ANKS1B: variants seen among roughly 807,000 people sequenced by gnomAD.
ANKS1B encodes ankyrin repeat and sterile alpha motif domain-containing protein 1B.
A neutral mutation model predicts 148.3 loss-of-function variants in ANKS1B; 36 were observed. The observed-to-expected ratio is 0.24, with a 90% CI of 0.19 to 0.32. ANKS1B has a LOEUF of 0.32. Among genes scored for constraint, ANKS1B ranks in the 10% least tolerant of loss-of-function variants. ANKS1B has a pLI of 1.00. For missense variants in ANKS1B, 1,157 were observed against 1,542.6 expected, an observed-to-expected ratio of 0.75 and a Z score of 4.19; for synonymous variants, 542 against 560.8, an observed-to-expected ratio of 0.97 and a Z score of 0.47.
Position 99,403,183 on chromosome 12 carries a change from C to T in ANKS1B, c.1576-3372G>A, listed in dbSNP as rs568923483. Among the ~76,000 whole-genome samples the T allele has an allele frequency of 4.5e-3, 387 of 85,336 alleles. 18 individuals carry two copies. Among genetic ancestry groups the T allele is most frequent in the Non-Finnish European group, 6.5e-3 (313 of 47,884 alleles). The allele number at this position is 85,336 out of a possible 152,430, so 56.0% of individuals were successfully genotyped here. A position where few individuals can be genotyped will look rare whatever the true frequency, so the allele number is the denominator to read the frequency against. ...TTTTTTTTTTTTTTTTTTTTTGAGA[C>T]GGAGTCTCTATCACCCAGGCTGGAG... is the stretch of plus-strand genomic sequence containing the variant. On this transcript the variant is annotated intron_variant, in intron 11 of 26. Transcript: ENST00000683438.
At chr12:99,458,978 A>G (rs1327198345) in intron 10 of ANKS1B, among the ~76,000 whole-genome samples, 1 of 152,144 alleles carries the variant, frequency 6.6e-6, no homozygotes, top group Non-Finnish European at 1.5e-5. Flanking sequence ...CTACAGACCA[A>G]TATCCCTGAT....
At chr12:99,932,170 T>C (rs564597836) in intron 1 of ANKS1B, among the ~76,000 whole-genome samples, 3 of 152,336 alleles carry the variant, frequency 2.0e-5, no homozygotes, top group African/African-American at 4.8e-5. Flanking sequence ...TATTTGTCTG[T>C]TGATGGACAC....
At chr12:98,957,374 GTCTC>G (rs2099864250) in intron 17 of ANKS1B, among the ~76,000 whole-genome samples, 1 of 150,394 alleles carries the variant, frequency 6.6e-6, no homozygotes, top group South Asian at 2.1e-4. Context: ...TTGAGACGGA[GTCTC>G]TCTCTGTTGC....
At chr12:98,930,680 A>G (rs954429539) in intron 17 of ANKS1B, among the ~76,000 whole-genome samples, 1 of 150,782 alleles carries the variant, frequency 6.6e-6, no homozygotes, top group Non-Finnish European at 1.5e-5. Context: ...TGAAAAAAAG[A>G]CCACATATTG....
At chr12:99,121,321 A>ACGTGTGTGTG (rs1009081202) in intron 15 of ANKS1B, among the ~76,000 whole-genome samples, 1 of 142,754 alleles carries the variant, frequency 7.0e-6, no homozygotes, top group Non-Finnish European at 1.5e-5. Context: ...GTATGTAGGT[A>ACGTGTGTGTG]TGTGTGTGTG....
intron 14 of ANKS1B, among the ~76,000 whole-genome samples, chr12:99,169,018 G>A (rs572707079): frequency 1.3e-5 from 2 of 152,102 alleles, no homozygotes; most frequent in South Asian, 2.1e-4. Flanking sequence ...AATTAGGTTC[G>A]AGTTCATTAG....
chr12:99,596,314 T>C (rs2097758225), intron 9 of ANKS1B, among the ~76,000 whole-genome samples: 1 of 151,840 alleles, frequency 6.6e-6, no homozygotes, highest in African/African-American at 2.4e-5. Context: ...TTGGTGTTCC[T>C]TGGCTTGAAG....
intron 10 of ANKS1B, among the ~76,000 whole-genome samples, chr12:99,484,520 T>C (rs566998354): frequency 1.8e-4 from 27 of 152,014 alleles, no homozygotes; most frequent in Non-Finnish European, 3.5e-4. Flanking sequence ...TGTTGTATTA[T>C]GCCATTTAAG....
intron 1 of ANKS1B, among the ~76,000 whole-genome samples, chr12:99,926,804 T>C (rs1466235997): frequency 6.6e-6 from 1 of 152,226 alleles, no homozygotes; most frequent in Non-Finnish European, 1.5e-5. Flanking sequence ...GTTCCAGACC[T>C]TTCCCTTTCT....
intron 17 of ANKS1B, among the ~76,000 whole-genome samples, chr12:99,050,508 G>C (rs1290759881): frequency 6.6e-6 from 1 of 151,980 alleles, no homozygotes; most frequent in African/African-American, 2.4e-5. Context: ...AAAATATACT[G>C]AGTTAGTGGT....
In ANKS1B at chr12:99,649,268, C is replaced by T. The variant is rs374704411; in HGVS notation, c.1272+5799G>A. On this transcript the variant is annotated intron_variant, in intron 9 of 26. Transcript: ENST00000683438. The stretch of plus-strand genomic sequence containing the variant: ...GATCTTGCTGGTCTCACTGTCTTTG[C>T]TTATTTGTTCTCTCCCTAGGGATAT... 1.3e-4 allele frequency: 207 copies of T among 1,587,000 alleles called. No individual in the cohort carries two copies. In the African/African-American group the frequency reaches 2.5e-3, roughly 19 times the overall value.
intron 12 of ANKS1B, among the ~76,000 whole-genome samples, chr12:99,349,127 G>A (rs1463476498): frequency 6.6e-6 from 1 of 151,894 alleles, no homozygotes; most frequent in Non-Finnish European, 1.5e-5. Context: ...ACTTATAAAT[G>A]TAAGATACTA....
chr12:99,142,948 T>C (rs1218923022), intron 15 of ANKS1B, among the ~76,000 whole-genome samples: 1 of 152,160 alleles, frequency 6.6e-6, no homozygotes, highest in Admixed American at 6.6e-5. Context: ...ACAGGCCTGA[T>C]GAATGCCAAA....
At chr12:99,636,064 A>AC (rs1163334847) in intron 9 of ANKS1B, among the ~76,000 whole-genome samples, 1 of 111,880 alleles carries the variant, frequency 8.9e-6, no homozygotes, top group Non-Finnish European at 2.2e-5. Flanking sequence ...TTTACACCAC[A>AC]AAAAAAAGAT....
rs567669953 is a variant in ANKS1B at position 99,037,517 on chromosome 12, T to G, written c.2778+15640A>C. 2.0e-5 allele frequency among the ~76,000 whole-genome samples: 3 copies of G among 152,074 alleles called. No homozygotes were observed. The East Asian group carries it at 5.8e-4, about 29-fold the overall frequency. On this transcript the variant is annotated intron_variant, in intron 17 of 26. Coordinates refer to ENST00000683438, the MANE Select transcript of ANKS1B (RefSeq NM_001352186.2). The stretch of plus-strand genomic sequence containing the variant: ...TCTGTCTCAAAAAAAAAAAAAATTC[T>G]TACAGAAACTTGATACTCTTGGTTG...
At chr12:99,454,314 C>T (rs2095809623) in intron 10 of ANKS1B, among the ~76,000 whole-genome samples, 1 of 152,186 alleles carries the variant, frequency 6.6e-6, no homozygotes, top group Admixed American at 6.5e-5. Context: ...ATGCTACTTT[C>T]ATCTATAAAA....
chr12:99,931,747 T>A (rs2094621712), intron 1 of ANKS1B, among the ~76,000 whole-genome samples: 1 of 152,168 alleles, frequency 6.6e-6, no homozygotes, highest in African/African-American at 2.4e-5. Flanking sequence ...AGGGTATCCA[T>A]CACCTCAAGC....
At chr12:98,919,850 G>C (rs1265152057) in intron 17 of ANKS1B, among the ~76,000 whole-genome samples, 1 of 152,170 alleles carries the variant, frequency 6.6e-6, no homozygotes, top group Non-Finnish European at 1.5e-5. Flanking sequence ...CAATGCAACA[G>C]CCAGTTCCAG....
At chr12:99,240,327 T>C (rs1294833637) in intron 14 of ANKS1B, among the ~76,000 whole-genome samples, 1 of 152,178 alleles carries the variant, frequency 6.6e-6, no homozygotes, top group Non-Finnish European at 1.5e-5. Context: ...GGCCACTATA[T>C]AATGGTAAAC....
Sources: gnomAD v4.1 joint callset for allele counts (sites outside exome capture counted in the v4.1 genomes callset) on GRCh38, gnomAD v4.1.1 for gene constraint, MANE v1.5 for transcripts, NCBI Gene and HGNC (gene_info 2026-07-23, HGNC 2026-07-21) for gene names.